CAST: variants seen among roughly 807,000 people sequenced by gnomAD.
The protein encoded by CAST is calpastatin.
Under a neutral mutation model 119.6 loss-of-function variants are expected in CAST, and 76 were observed. The observed-to-expected ratio is 0.64, with a 90% confidence interval of 0.53 to 0.77. The LOEUF is 0.77. Among genes scored for constraint, CAST ranks in the 30% least tolerant of loss-of-function variants. The pLI, the probability that CAST is intolerant of heterozygous loss-of-function variation, is 0.00. For synonymous variants in CAST, 319 were observed against 331.6 expected, an observed-to-expected ratio of 0.96 and a Z score of 0.41; for missense variants, 953 against 946.5, an observed-to-expected ratio of 1.01 and a Z score of -0.09.
the CAST span, among the ~76,000 whole-genome samples, chr5:96,258,901 A>T: frequency 2.0e-5 from 3 of 152,260 alleles, no homozygotes; most frequent in Non-Finnish European, 4.4e-5. Flanking sequence ...TAATCTTATA[A>T]AATGACTAAG....
At chr5:96,582,002 C>T (rs182361540) in intron 1 of CAST, among the ~76,000 whole-genome samples, 20 of 152,288 alleles carry the variant, frequency 1.3e-4, no homozygotes, top group Admixed American at 7.8e-4. Flanking sequence ...ATTCCTGCCT[C>T]CCAAGGGTGG....
intron 8 of CAST, 148 bp downstream of exon 8, chr5:96,729,873 G>A: frequency 1.7e-6 from 1 of 590,964 alleles, no homozygotes; most frequent in South Asian, 2.0e-5. Flanking sequence ...TTATTTTGTT[G>A]GTTTTTCAAA....
At chr5:96,100,585 G>A in the CAST span, among the ~76,000 whole-genome samples, 380 of 152,258 alleles carry the variant, frequency 2.5e-3, 1 homozygote, top group Non-Finnish European at 3.7e-3. Flanking sequence ...GCTGGCTTGT[G>A]CACTCTCTAC....
chr5:96,275,975 T>C, the CAST span, among the ~76,000 whole-genome samples: 2 of 152,222 alleles, frequency 1.3e-5, no homozygotes, highest in African/African-American at 4.8e-5. Flanking sequence ...CCAAAAGCTA[T>C]TATTTAAAAT....
chr5:96,613,573 G>A (rs905262645), intron 1 of CAST, among the ~76,000 whole-genome samples: 4 of 152,274 alleles, frequency 2.6e-5, no homozygotes, highest in Middle Eastern at 3.4e-3. Context: ...CAGTGATGGG[G>A]ACGGGATGCA....
chr5:96,661,088 G>A (rs1393180264), upstream of CAST, among the ~76,000 whole-genome samples: 5 of 151,694 alleles, frequency 3.3e-5, no homozygotes, highest in African/African-American at 1.2e-4. Context: ...TGTTCTGCCA[G>A]GCTCCATATA....
At chr5:96,386,022 T>A in the CAST span, among the ~76,000 whole-genome samples, 1 of 152,238 alleles carries the variant, frequency 6.6e-6, no homozygotes, top group South Asian at 2.1e-4. Flanking sequence ...TGTCTCACTT[T>A]CCCATCCTCA....
the CAST span, chr5:96,399,810 T>G: frequency 2.9e-6 from 2 of 693,534 alleles, no homozygotes; most frequent in Non-Finnish European, 5.2e-6. Flanking sequence ...TTAGTCCCCA[T>G]GGATACCCAC....
At chr5:96,000,325 T>C in the CAST span, among the ~76,000 whole-genome samples, 19 of 152,350 alleles carry the variant, frequency 1.2e-4, no homozygotes, top group African/African-American at 4.3e-4. Flanking sequence ...ACCATCTTTG[T>C]CTAATTTAAG....
chr5:96,465,934 C>T, the CAST span, among the ~76,000 whole-genome samples: 16 of 152,076 alleles, frequency 1.1e-4, no homozygotes, highest in East Asian at 1.9e-3. Flanking sequence ...TGTGTATATC[C>T]GTGACTTGAG....
At chr5:96,411,001 A>G in the CAST span, 1 of 1,572,894 alleles carries the variant, frequency 6.4e-7, no homozygotes, top group Non-Finnish European at 8.7e-7. Context: ...AGGAAAAGCC[A>G]GAATGCATAT....
the CAST span, among the ~76,000 whole-genome samples, chr5:96,140,607 G>A: frequency 6.6e-6 from 1 of 152,182 alleles, no homozygotes; most frequent in East Asian, 1.9e-4. Flanking sequence ...CAGTTTACTT[G>A]ACCTCTCCAA....
the CAST span, among the ~76,000 whole-genome samples, chr5:96,039,391 G>A: frequency 6.6e-6 from 1 of 152,260 alleles, no homozygotes; most frequent in East Asian, 1.9e-4. Context: ...GATCCAGTTT[G>A]TCAATTTTGG....
the CAST span, among the ~76,000 whole-genome samples, chr5:96,417,593 C>T: frequency 6.6e-6 from 1 of 151,992 alleles, no homozygotes; most frequent in Non-Finnish European, 1.5e-5. Flanking sequence ...TGAAGCCAAG[C>T]AGAGGCGAGC....
intron 2 of CAST, among the ~76,000 whole-genome samples, chr5:96,695,026 TCCCATAACGTAAC>T (rs1300305879): frequency 1.3e-5 from 2 of 152,216 alleles, no homozygotes; most frequent in African/African-American, 4.8e-5. Flanking sequence ...CCTATGGCTC[TCCCATAACGTAAC>T]CCCCTATTAT....
the CAST span, among the ~76,000 whole-genome samples, chr5:96,143,946 A>G: frequency 6.6e-6 from 1 of 152,182 alleles, no homozygotes; most frequent in Non-Finnish European, 1.5e-5. Context: ...AAATAATGAG[A>G]ATTAGGCAAT....
the CAST span, among the ~76,000 whole-genome samples, chr5:96,478,059 G>A: frequency 6.6e-6 from 1 of 152,130 alleles, no homozygotes; most frequent in Non-Finnish European, 1.5e-5. Flanking sequence ...CTGGATAATT[G>A]ATTACTTAAA....
the CAST span, among the ~76,000 whole-genome samples, chr5:95,992,328 A>C: frequency 2.0e-5 from 3 of 152,040 alleles, no homozygotes; most frequent in Non-Finnish European, 4.4e-5. Context: ...AAAGAAATTG[A>C]CTTTAACATT....
chr5:96,280,459 GA>G, the CAST span, among the ~76,000 whole-genome samples: 1 of 152,224 alleles, frequency 6.6e-6, no homozygotes, highest in South Asian at 2.1e-4. Flanking sequence ...GAAGTTGCTT[GA>G]AAAGAAAATT....
Sources: gnomAD v4.1 joint callset for allele counts (sites outside exome capture counted in the v4.1 genomes callset) on GRCh38, gnomAD v4.1.1 for gene constraint, MANE v1.5 for transcripts, NCBI Gene and HGNC (gene_info 2026-07-23, HGNC 2026-07-21) for gene names.